FAM178B: variants seen among roughly 807,000 people sequenced by gnomAD.
FAM178B encodes the protein protein FAM178B.
FAM178B carries 82 observed loss-of-function variants against 91.7 expected under a neutral mutation model. The observed-to-expected ratio is 0.89, with a 90% confidence interval of 0.75 to 1.07. The LOEUF (loss-of-function observed/expected upper bound fraction) is 1.07, where lower values mean the gene tolerates loss of function less well. Ranked by LOEUF, FAM178B falls within the 50% of genes least tolerant of loss-of-function variation. The pLI, the probability that FAM178B is intolerant of heterozygous loss-of-function variation, is 0.00. For synonymous variants in FAM178B, 368 were observed against 359.4 expected (o/e 1.02, Z -0.27); for missense variants, 769 against 846.7 (o/e 0.91, Z 1.14).
intron 1 of FAM178B, among the ~76,000 whole-genome samples, chr2:96,977,421 A>G (rs1241274159): frequency 6.7e-6 from 1 of 148,340 alleles, no homozygotes; most frequent in African/African-American, 2.5e-5. Context: ...AACAACAAAA[A>G]GAAAAACGTG....
At position 96,986,319 on chromosome 2, in the gene FAM178B, G is replaced by T. The variant is rs905186424; in HGVS notation, c.-6C>A. On this transcript the variant is annotated 5_prime_UTR_variant, in exon 1 of 17. Coordinates refer to ENST00000490605, the MANE Select transcript of FAM178B (RefSeq NM_001122646.3). ...CCTGGAAGCCTTGGCCACATAGGGC[G>T]GGAAGGGCAGGGCTCCGGGGTGAGG... 1 of 1,533,916 alleles carries T rather than the reference G, an allele frequency of 6.5e-7. No individual in the cohort carries two copies. The highest frequency in any genetic ancestry group is 8.7e-7 in the Non-Finnish European group (1 of 1,146,684).
At chr2:96,942,521 T>C (rs1348024851) in intron 8 of FAM178B, among the ~76,000 whole-genome samples, 6 of 151,956 alleles carry the variant, frequency 3.9e-5, no homozygotes, top group Non-Finnish European at 1.5e-5. Context: ...GCCTCCGGAG[T>C]AGCTGGGATT....
At chr2:96,914,249 C>T (rs963351279) in intron 12 of FAM178B, among the ~76,000 whole-genome samples, 1 of 152,068 alleles carries the variant, frequency 6.6e-6, no homozygotes, top group African/African-American at 2.4e-5. Context: ...GGTGGCAGCT[C>T]ATTTGGAAAA....
chr2:96,879,120 G>A (rs1188014969), intron 14 of FAM178B, among the ~76,000 whole-genome samples: 8 of 152,218 alleles, frequency 5.3e-5, no homozygotes, highest in Non-Finnish European at 8.8e-5. Context: ...TATGGGATAC[G>A]TGCTTGCTGT....
At chr2:96,928,981 C>CT (rs1268916321) in intron 9 of FAM178B, among the ~76,000 whole-genome samples, 5 of 151,978 alleles carry the variant, frequency 3.3e-5, no homozygotes, top group African/African-American at 1.2e-4. Context: ...GAGACCCCCC[C>CT]CCGCCACCTC....
At chr2:96,893,021 G>T (rs1253213304) in intron 14 of FAM178B, among the ~76,000 whole-genome samples, 1 of 152,182 alleles carries the variant, frequency 6.6e-6, no homozygotes, top group African/African-American at 2.4e-5. Context: ...CTGGGGATTA[G>T]CATATCTCTT....
intron 9 of FAM178B, among the ~76,000 whole-genome samples, chr2:96,926,470 CCTCCT>C (rs2081440307): frequency 6.6e-6 from 1 of 152,228 alleles, no homozygotes; most frequent in South Asian, 2.1e-4. Context: ...TACCTAAAGA[CCTCCT>C]TTGTGCTCCT....
Position 96,875,970 on chromosome 2 carries a change from C to A in FAM178B, c.*306G>T. On this transcript the variant is annotated 3_prime_UTR_variant, in exon 17 of 17. Transcript: ENST00000490605. ...GAAGGAGGGTGGGGAGGACTGAGGC[C>A]CAGGGAAACCAGAGCTATGGAGACA... The A allele has an allele frequency of 2.3e-6, 1 of 436,972 alleles. No individual in the cohort carries two copies. The highest frequency in any genetic ancestry group is 3.9e-5 in the Admixed American group (1 of 25,450). The allele number at this position is 436,972 out of a possible 1,614,324, so 27.1% of individuals were successfully genotyped here.
chr2:96,923,379 A>ATG, intron 10 of FAM178B, 111 bp downstream of exon 10: 1 of 812,652 alleles, frequency 1.2e-6, no homozygotes, highest in Non-Finnish European at 2.0e-6. Flanking sequence ...AGTGCCTGCC[A>ATG]TGGTGCTGAG....
chr2:96,904,731 T>C (rs1294247534), intron 12 of FAM178B, among the ~76,000 whole-genome samples: 1 of 151,890 alleles, frequency 6.6e-6, no homozygotes, highest in Non-Finnish European at 1.5e-5. Flanking sequence ...AACATGGGCA[T>C]GCCAGCTACA....
In FAM178B at chr2:96,950,131, A is replaced by T. The variant is rs2081900244; in HGVS notation, c.993+1248T>A. On this transcript the variant is annotated intron_variant, in intron 7 of 16. Coordinates refer to ENST00000490605, the MANE Select transcript of FAM178B (RefSeq NM_001122646.3). ...GAAACCGACACGCCCCCGGGAAGGC[A>T]CTCCACGCCAGTGTCAGGGTGACGC... The T allele has an allele frequency of 3.0e-6, 3 of 985,096 alleles. No individual in the cohort carries two copies. The South Asian group carries it at 1.4e-4, about 46-fold the overall frequency. 61.0% of individuals were successfully genotyped at this position (985,096 alleles called of 1,614,324 possible).
chr2:96,940,312 G>A (rs1472865725), intron 8 of FAM178B, among the ~76,000 whole-genome samples: 1 of 152,218 alleles, frequency 6.6e-6, no homozygotes, highest in Non-Finnish European at 1.5e-5. Context: ...ACCGCCACAG[G>A]AGACGCGACC....
intron 12 of FAM178B, among the ~76,000 whole-genome samples, chr2:96,909,468 T>C (rs2081115174): frequency 1.3e-5 from 2 of 152,238 alleles, no homozygotes; most frequent in African/African-American, 4.8e-5. Context: ...TTCCCGTGGC[T>C]GCCCCTTCCT....
intron 1 of FAM178B, among the ~76,000 whole-genome samples, chr2:96,974,446 T>G (rs1290688650): frequency 1.4e-5 from 1 of 71,238 alleles, no homozygotes; most frequent in Non-Finnish European, 3.1e-5. Flanking sequence ...TACAAGAAAA[T>G]AAACACAAAA....
At chr2:96,976,027 T>G (rs2082283210) in intron 1 of FAM178B, among the ~76,000 whole-genome samples, 1 of 152,106 alleles carries the variant, frequency 6.6e-6, no homozygotes, top group African/African-American at 2.4e-5. Context: ...AGAATACACA[T>G]TCTTCCTAAG....
intron 7 of FAM178B, among the ~76,000 whole-genome samples, chr2:96,949,310 A>G (rs544273281): frequency 6.6e-6 from 1 of 152,290 alleles, no homozygotes; most frequent in African/African-American, 2.4e-5. Context: ...CCCCAGGTAC[A>G]GGCATGGCCC....
chr2:96,970,967 C>T (rs545938539), intron 3 of FAM178B, among the ~76,000 whole-genome samples, 190 bp from the exon 4 acceptor site: 3 of 152,150 alleles, frequency 2.0e-5, no homozygotes, highest in Admixed American at 2.0e-4. Context: ...CCATCCCCAC[C>T]CCCAGCCACC....
chr2:96,942,622 C>T (rs1345501474), intron 8 of FAM178B, among the ~76,000 whole-genome samples: 1 of 152,108 alleles, frequency 6.6e-6, no homozygotes, highest in Non-Finnish European at 1.5e-5. Context: ...GTCTTGATCT[C>T]CCGACCTCAT....
chr2:96,921,725 C>A, intron 10 of FAM178B, 71 bp from the exon 11 acceptor site: 1 of 1,454,616 alleles, frequency 6.9e-7, no homozygotes, highest in South Asian at 1.2e-5. Flanking sequence ...GGACCAGTTC[C>A]CTGGGAGACA....
Sources: allele counts gnomAD v4.1 joint callset (sites outside exome capture counted in the v4.1 genomes callset), GRCh38; gene constraint gnomAD v4.1.1; transcripts MANE v1.5; gene names NCBI Gene and HGNC (gene_info 2026-07-23, HGNC 2026-07-21).